PIGK: variants seen among roughly 807,000 people sequenced by gnomAD.
The protein encoded by PIGK is phosphatidylinositol glycan anchor biosynthesis class K.
A neutral mutation model predicts 50.6 loss-of-function variants in PIGK; 42 were observed. That is an observed-to-expected ratio of 0.83 (90% CI 0.65 to 1.07). The LOEUF (loss-of-function observed/expected upper bound fraction) is 1.07, where lower values mean the gene tolerates loss of function less well. PIGK is among the 50% of genes least tolerant of loss of function. The probability of loss-of-function intolerance (pLI) is 0.00; values close to 1 mark genes in which losing one functional copy is unlikely to be tolerated. For missense variants in PIGK, 448 were observed against 488.7 expected, an observed-to-expected ratio of 0.92 and a Z score of 0.78; for synonymous variants, 151 against 156.0, an observed-to-expected ratio of 0.97 and a Z score of 0.24.
chr1:77,132,789 T>C (rs1421351477), intron 9 of PIGK, among the ~76,000 whole-genome samples: 1 of 152,094 alleles, frequency 6.6e-6, no homozygotes, highest in Non-Finnish European at 1.5e-5. Flanking sequence ...TCTTCACTTA[T>C]GTAAGATATT....
Position 77,172,915 on chromosome 1 carries a change from C to G in PIGK, c.240-3520G>C, listed in dbSNP as rs991256994. 2.0e-5 allele frequency among the ~76,000 whole-genome samples: 3 copies of G among 152,258 alleles called. No individual in the cohort carries two copies. In the South Asian group the frequency reaches 6.2e-4, roughly 32 times the overall value. On this transcript the variant is annotated intron_variant, in intron 3 of 10. Coordinates refer to ENST00000370812, the MANE Select transcript of PIGK (RefSeq NM_005482.3). ...CTCCAGCCTGGGCGACAGAGCGAGA[C>G]TCCGCCTCAGAAAAAAATAATAATA...
chr1:77,163,901 C>A lies in PIGK; in HGVS notation c.529G>T (p.Glu177Ter). The change falls in exon 6 of 11, where the codon GAA becomes TAA. Residue 177 changes from glutamate (E) to a stop codon, truncating the protein, a stop_gained. Coordinates refer to ENST00000370812, the MANE Select transcript of PIGK (RefSeq NM_005482.3). LOFTEE classifies it high-confidence loss of function. Reference protein sequence around the residue: ...NGFLKFQDSEEITNIELADAF... With the variant: ...NGFLKFQDSE The stretch of plus-strand genomic sequence containing the variant: ...TCCGCGAGTTCTATGTTGGTAATTT[C>A]TTCAGAATCTTGAAATTTTAAGAAA... 1 of 1,608,894 alleles carries A rather than the reference C, an allele frequency of 6.2e-7. No individual in the cohort carries two copies. The highest frequency in any genetic ancestry group is 1.7e-5 in the Admixed American group (1 of 59,412).
In PIGK at chr1:77,214,921, C is replaced by T. The variant is rs372104298; in HGVS notation, c.93+4389G>A. On this transcript the variant is annotated intron_variant, in intron 1 of 10. Transcript: ENST00000370812. Reference sequence around the variant, plus strand: ...TTACAATAACTACAGAAAAATTAAACACCTAGGAATAAATTTAACCAAGAA... The same window carrying T: ...TTACAATAACTACAGAAAAATTAAATACCTAGGAATAAATTTAACCAAGAA... Among the ~76,000 whole-genome samples the T allele has an allele frequency of 2.0e-4, 30 of 152,096 alleles. 1 individual carries two copies. In the East Asian group the frequency reaches 3.7e-3, roughly 19 times the overall value.
In PIGK at chr1:77,132,868, G is replaced by C. The variant is rs182138568; in HGVS notation, c.987-10509C>G. The stretch of plus-strand genomic sequence containing the variant: ...ACCACTTTAAACATGTCATTCTATT[G>C]TTTTATGGTTCTGATTGTAATAATA... On this transcript the variant is annotated intron_variant, in intron 9 of 10. Coordinates refer to ENST00000370812, the MANE Select transcript of PIGK (RefSeq NM_005482.3). Among the ~76,000 whole-genome samples the C allele has an allele frequency of 2.7e-3, 417 of 152,100 alleles. 1 individual carries two copies. Among genetic ancestry groups the C allele is most frequent in the African/African-American group, 9.3e-3 (385 of 41,538 alleles).
intron 3 of PIGK, among the ~76,000 whole-genome samples, chr1:77,180,889 T>C (rs1655595689): frequency 3.9e-5 from 6 of 152,150 alleles, no homozygotes; most frequent in Admixed American, 3.9e-4. Context: ...CCAGCTTGAC[T>C]TTTCCCTTTA....
intron 10 of PIGK, among the ~76,000 whole-genome samples, chr1:77,121,545 A>G (rs1654095383): frequency 6.6e-6 from 1 of 152,212 alleles, no homozygotes; most frequent in Non-Finnish European, 1.5e-5. Flanking sequence ...AACAATCAAC[A>G]TTCATAACAA....
intron 9 of PIGK, among the ~76,000 whole-genome samples, chr1:77,126,566 C>T (rs935870809): frequency 4.6e-5 from 7 of 152,098 alleles, no homozygotes; most frequent in African/African-American, 1.4e-4. Flanking sequence ...TTCCTTTCAC[C>T]ACCACGACTC....
chr1:77,216,359 C>T (rs1332117134), intron 1 of PIGK, among the ~76,000 whole-genome samples: 1 of 152,024 alleles, frequency 6.6e-6, no homozygotes, highest in African/African-American at 2.4e-5. Flanking sequence ...GTACATGTAA[C>T]CCTCAAGAAT....
chr1:77,195,612 C>T (rs1041886007), intron 3 of PIGK, among the ~76,000 whole-genome samples: 2 of 152,086 alleles, frequency 1.3e-5, no homozygotes, highest in African/African-American at 4.8e-5. Flanking sequence ...CAGTATTTTG[C>T]CACTAATGTG....
Position 77,199,013 on chromosome 1 carries a change from G to A in PIGK, c.239+7627C>T, listed in dbSNP as rs567768713. ...CATTGTGGTATTGGTGAAGGAATAAGCATCTTTCTCTTCAGTATCAAAATC... is the reference window on the plus strand; with the variant it reads ...CATTGTGGTATTGGTGAAGGAATAAACATCTTTCTCTTCAGTATCAAAATC... On this transcript the variant is annotated intron_variant, in intron 3 of 10. Transcript: ENST00000370812. Among the ~76,000 whole-genome samples, 7 of 152,154 alleles carry A rather than the reference G, an allele frequency of 4.6e-5. No homozygotes were observed. The South Asian group carries it at 1.4e-3, about 32-fold the overall frequency.
chr1:77,133,907 C>T (rs957118841), intron 9 of PIGK, among the ~76,000 whole-genome samples: 1 of 152,120 alleles, frequency 6.6e-6, no homozygotes, highest in Non-Finnish European at 1.5e-5. Flanking sequence ...GGCATGCCAG[C>T]CTCACTGAAC....
intron 9 of PIGK, among the ~76,000 whole-genome samples, chr1:77,143,918 TACTG>T (rs1557804704): frequency 6.6e-6 from 1 of 152,094 alleles, no homozygotes; most frequent in African/African-American, 2.4e-5. Context: ...ACTTAACACT[TACTG>T]AGTGCTTCAC....
intron 9 of PIGK, among the ~76,000 whole-genome samples, chr1:77,152,733 T>C (rs1029249691): frequency 3.1e-4 from 47 of 151,778 alleles, no homozygotes; most frequent in African/African-American, 1.1e-3. Context: ...ATCATCTGAA[T>C]AGACATTTCA....
intron 9 of PIGK, 63 bp from the exon 10 acceptor site, chr1:77,122,422 T>A: frequency 1.2e-6 from 1 of 847,436 alleles, no homozygotes; most frequent in Non-Finnish European, 2.0e-6. Context: ...ATAGCAAATA[T>A]TTAAATATGT....
chr1:77,178,564 G>T (rs1283879761), intron 3 of PIGK, among the ~76,000 whole-genome samples: 3 of 150,920 alleles, frequency 2.0e-5, no homozygotes, highest in African/African-American at 7.3e-5. Flanking sequence ...CAGTTTTAGG[G>T]CATTAACGGA....
intron 9 of PIGK, among the ~76,000 whole-genome samples, chr1:77,147,039 C>G (rs1405304352): frequency 3.3e-5 from 5 of 151,762 alleles, no homozygotes; most frequent in Non-Finnish European, 7.4e-5. Flanking sequence ...CAAAGACACA[C>G]TCGAGACTGG....
intron 10 of PIGK, among the ~76,000 whole-genome samples, chr1:77,092,965 G>A (rs573625001): frequency 4.7e-4 from 72 of 152,138 alleles, no homozygotes; most frequent in Non-Finnish European, 7.8e-4. Flanking sequence ...AAGAACAAAC[G>A]CTACCCAATT....
At chr1:77,155,513 G>GA (rs1179683645) in intron 8 of PIGK, among the ~76,000 whole-genome samples, 2 of 151,578 alleles carry the variant, frequency 1.3e-5, no homozygotes, top group Non-Finnish European at 2.9e-5. Flanking sequence ...TAACAAGGTA[G>GA]AAAAAAATGA....
At chr1:77,181,281 A>G (rs1358869856) in intron 3 of PIGK, among the ~76,000 whole-genome samples, 2 of 152,154 alleles carry the variant, frequency 1.3e-5, no homozygotes, top group African/African-American at 2.4e-5. Context: ...CTGCAGCCCA[A>G]TCAGGAACTA....
Sources: allele counts gnomAD v4.1 joint callset (sites outside exome capture counted in the v4.1 genomes callset), GRCh38; gene constraint gnomAD v4.1.1; transcripts MANE v1.5; gene names NCBI Gene and HGNC (gene_info 2026-07-23, HGNC 2026-07-21).